The following CFAP44 variants were observed in gnomAD, a reference collection of about 807,000 sequenced individuals.
CFAP44 encodes cilia and flagella associated protein 44.
In CFAP44, 134 loss-of-function variants were observed where a neutral mutation model predicts 216.2. The ratio of observed to expected loss-of-function variants is 0.62; its 90% CI spans 0.54 to 0.72. The LOEUF is 0.72. CFAP44 is among the 30% of genes least tolerant of loss of function. The pLI is 0.00. For missense variants in CFAP44, 2,035 were observed against 2,182.1 expected, an observed-to-expected ratio of 0.93 and a Z score of 1.34; for synonymous variants, 700 against 727.6, an observed-to-expected ratio of 0.96 and a Z score of 0.61.
intron 18 of CFAP44, among the ~76,000 whole-genome samples, chr3:113,368,793 G>C (rs1933047116): frequency 6.6e-6 from 1 of 152,082 alleles, no homozygotes; most frequent in Non-Finnish European, 1.5e-5. Flanking sequence ...GATACAAACT[G>C]GCAAATTGGA....
chr3:113,377,482 C>T (rs981292835), intron 17 of CFAP44, among the ~76,000 whole-genome samples: 2 of 152,096 alleles, frequency 1.3e-5, no homozygotes, highest in African/African-American at 2.4e-5. Flanking sequence ...AAATGCCTAA[C>T]ATTTCCATGC....
intron 2 of CFAP44, among the ~76,000 whole-genome samples, chr3:113,428,287 G>A (rs574298398): frequency 6.6e-6 from 1 of 152,338 alleles, no homozygotes; most frequent in African/African-American, 2.4e-5. Flanking sequence ...CAGGAAAGGA[G>A]TTAGAACTGG....
At chr3:113,298,664 A>G (rs1194388046) in intron 32 of CFAP44, among the ~76,000 whole-genome samples, 1 of 152,258 alleles carries the variant, frequency 6.6e-6, no homozygotes, top group African/African-American at 2.4e-5. Flanking sequence ...TTAAAAAGGA[A>G]GAAAATTCTG....
intron 15 of CFAP44, among the ~76,000 whole-genome samples, chr3:113,393,363 T>C (rs113059793): frequency 3.3e-5 from 5 of 152,326 alleles, no homozygotes; most frequent in African/African-American, 1.2e-4. Context: ...ATTTGATCTC[T>C]AATGTTAGAC....
chr3:113,304,185 T>A, intron 31 of CFAP44, 68 bp from the exon 32 acceptor site: 1 of 1,474,178 alleles, frequency 6.8e-7, no homozygotes, highest in Non-Finnish European at 9.1e-7. Flanking sequence ...ACAGAAAGCA[T>A]AAGAGGTGCA....
At chr3:113,441,088 G>T (rs1236534197) in intron 1 of CFAP44, among the ~76,000 whole-genome samples, 2 of 152,164 alleles carry the variant, frequency 1.3e-5, no homozygotes, top group South Asian at 4.1e-4. Context: ...AGGGCCCAGC[G>T]TGCCAAGCGT....
intron 28 of CFAP44, among the ~76,000 whole-genome samples, chr3:113,313,120 G>A (rs1194656196): frequency 6.6e-6 from 1 of 152,126 alleles, no homozygotes; most frequent in Non-Finnish European, 1.5e-5. Flanking sequence ...GCCAGCCCGT[G>A]AAAGCAGCTG....
At chr3:113,313,662 C>A (rs1292347026) in intron 28 of CFAP44, among the ~76,000 whole-genome samples, 1 of 152,006 alleles carries the variant, frequency 6.6e-6, no homozygotes, top group Non-Finnish European at 1.5e-5. Flanking sequence ...ATCATGGGGG[C>A]GGTTTCCCCC....
intron 28 of CFAP44, among the ~76,000 whole-genome samples, chr3:113,311,084 A>T (rs1285051641): frequency 6.6e-6 from 1 of 152,258 alleles, no homozygotes; most frequent in Non-Finnish European, 1.5e-5. Context: ...AGCTGTCAAC[A>T]CTAAGATGAC....
intron 15 of CFAP44, among the ~76,000 whole-genome samples, chr3:113,389,582 T>C (rs1290946972): frequency 6.6e-6 from 1 of 151,962 alleles, no homozygotes; most frequent in Non-Finnish European, 1.5e-5. Context: ...AGTTGTTTTT[T>C]TCAAAAGATA....
At chr3:113,304,541 C>G (rs1250214526) in intron 31 of CFAP44, among the ~76,000 whole-genome samples, 1 of 152,168 alleles carries the variant, frequency 6.6e-6, no homozygotes, top group Non-Finnish European at 1.5e-5. Flanking sequence ...AGCCTTTTCT[C>G]TTAATGATAT....
rs896622314 is a variant in CFAP44, at chr3:113,316,593, C to T, written c.4517-8325G>A. On this transcript the variant is annotated intron_variant, in intron 28 of 34. Transcript: ENST00000393845. ...TTACCAATATGAAGAATACAGCTGG[C>T]TGTAGTGGCTCACGCCTGTAATCCT... Among the ~76,000 whole-genome samples the T allele has an allele frequency of 3.9e-5, 6 of 152,008 alleles. 1 individual carries two copies. Among genetic ancestry groups the T allele is most frequent in the Non-Finnish European group, 7.4e-5 (5 of 67,986 alleles).
chr3:113,407,037 A>C lies in CFAP44; in HGVS notation c.895T>G (p.Trp299Gly). Residue 299 changes from tryptophan to glycine, a missense_variant, in exon 8 of 35, where the codon TGG becomes GGG. Coordinates refer to ENST00000393845, the MANE Select transcript of CFAP44 (RefSeq NM_001164496.2). ...CCGGTGAACGTAAAAGCCATTTCCC[A>C]GAACCTACAAACAAGAAAGAGACTG... The part of the protein sequence containing the change: ...TTSGSGHIKF[W>G]EMAFTFTGLK... The C allele has an allele frequency of 6.2e-7, 1 of 1,613,336 alleles. No homozygotes were observed. Among genetic ancestry groups the C allele is most frequent in the Non-Finnish European group, 8.5e-7 (1 of 1,179,298 alleles).
intron 28 of CFAP44, among the ~76,000 whole-genome samples, chr3:113,310,757 G>A (rs1164596465): frequency 6.6e-6 from 1 of 152,190 alleles, no homozygotes; most frequent in East Asian, 1.9e-4. Context: ...CCTCAGTGCT[G>A]TTCTCATGAT....
intron 19 of CFAP44, 23 bp downstream of exon 19, chr3:113,366,016 T>C: frequency 6.4e-7 from 1 of 1,572,212 alleles, no homozygotes; most frequent in Non-Finnish European, 8.6e-7. Context: ...TGTTATTAAT[T>C]AACTGGTTAA....
rs771419199 is a variant in CFAP44, at chr3:113,433,549, T to C, written c.100+16A>G. On this transcript the variant is annotated intron_variant, in intron 2 of 34. Transcript: ENST00000393845. ...AGTTTAATACTTTTAAAAGTATACA[T>C]ATTATCTTTACTTACATCTTGATTC... is the stretch of plus-strand genomic sequence containing the variant. 18 of 1,532,248 alleles carry C rather than the reference T, an allele frequency of 1.2e-5. No individual in the cohort carries two copies. The highest frequency in any genetic ancestry group is 1.7e-5 in the Admixed American group (1 of 58,768). The allele number at this position is 1,532,248 out of a possible 1,614,324, so 94.9% of individuals were successfully genotyped here.
intron 23 of CFAP44, 67 bp downstream of exon 23, chr3:113,344,449 T>C: frequency 3.6e-6 from 5 of 1,386,914 alleles, no homozygotes; most frequent in Non-Finnish European, 2.0e-6. Context: ...AATGGTTCTG[T>C]CCACAGACAA....
At chr3:113,386,027 G>A (rs558592709) in intron 15 of CFAP44, among the ~76,000 whole-genome samples, 8 of 152,148 alleles carry the variant, frequency 5.3e-5, no homozygotes, top group African/African-American at 1.9e-4. Flanking sequence ...TTGTATTACT[G>A]TCTATTTCTC....
intron 15 of CFAP44, 125 bp from the exon 16 acceptor site, chr3:113,381,185 C>T: frequency 1.7e-6 from 1 of 576,640 alleles, no homozygotes; most frequent in Non-Finnish European, 2.6e-6. Context: ...CTTAATTCCT[C>T]ACTGCAGTTA....
Sources: gnomAD v4.1 joint callset for allele counts (sites outside exome capture counted in the v4.1 genomes callset) on GRCh38, gnomAD v4.1.1 for gene constraint, MANE v1.5 for transcripts, NCBI Gene and HGNC (gene_info 2026-07-23, HGNC 2026-07-21) for gene names.